Variants in CYTH3 observed in about 807,000 individuals in gnomAD.
The protein encoded by CYTH3 is cytohesin-3.
CYTH3 carries 23 observed loss-of-function variants against 55.1 expected under a neutral mutation model. That is an observed-to-expected ratio of 0.42 (90% CI 0.30 to 0.59). CYTH3 has a LOEUF of 0.59. CYTH3 is among the 20% of genes least tolerant of loss of function. CYTH3 has a pLI of 0.20. For synonymous variants in CYTH3, 249 were observed against 194.9 expected (o/e 1.28, Z -2.31); for missense variants, 413 against 524.8 (o/e 0.79, Z 2.08).
intron 1 of CYTH3, among the ~76,000 whole-genome samples, chr7:6,195,176 C>G (rs1783895450): frequency 6.6e-6 from 1 of 152,002 alleles, no homozygotes; most frequent in South Asian, 2.1e-4. Context: ...TTCAAGGGTA[C>G]TGTAGGTACT....
At chr7:6,229,932 C>G (rs886067822) in intron 1 of CYTH3, among the ~76,000 whole-genome samples, 2 of 151,980 alleles carry the variant, frequency 1.3e-5, no homozygotes, top group African/African-American at 2.4e-5. Flanking sequence ...GTCTGGAGTT[C>G]GAGACCAGCC....
chr7:6,174,047 G>A (rs1783269863), intron 5 of CYTH3, among the ~76,000 whole-genome samples: 1 of 151,618 alleles, frequency 6.6e-6, no homozygotes, highest in African/African-American at 2.4e-5. Context: ...GAATTACTGG[G>A]TTCCATGTTA....
intron 4 of CYTH3, among the ~76,000 whole-genome samples, chr7:6,185,539 A>G (rs10224010): frequency 0.039 from 5,980 of 152,086 alleles, 432 homozygotes; most frequent in African/African-American, 0.14. Flanking sequence ...TACTAAAAAA[A>G]AATACAAAAA....
chr7:6,197,584 G>A (rs1783963919), intron 1 of CYTH3, among the ~76,000 whole-genome samples: 1 of 152,136 alleles, frequency 6.6e-6, no homozygotes, highest in African/African-American at 2.4e-5. Context: ...CTGGGAGGGT[G>A]AAGCAGGAGA....
At chr7:6,243,725 A>T (rs1288988852) in intron 1 of CYTH3, among the ~76,000 whole-genome samples, 3 of 152,218 alleles carry the variant, frequency 2.0e-5, no homozygotes, top group African/African-American at 7.2e-5. Flanking sequence ...CAACTTACCC[A>T]ATGAATTGAT....
intron 1 of CYTH3, among the ~76,000 whole-genome samples, chr7:6,255,544 A>C (rs1406991084): frequency 6.6e-6 from 1 of 152,136 alleles, no homozygotes; most frequent in East Asian, 1.9e-4. Context: ...GGCCGTGAAG[A>C]AGCTGGGCTG....
intron 4 of CYTH3, among the ~76,000 whole-genome samples, chr7:6,185,312 C>T (rs1021091781): frequency 6.6e-6 from 1 of 152,130 alleles, no homozygotes; most frequent in Admixed American, 6.5e-5. Context: ...TGGCCTGGCG[C>T]AGTGGCTCAT....
chr7:6,261,153 C>G (rs1780341737), intron 1 of CYTH3, among the ~76,000 whole-genome samples: 1 of 152,152 alleles, frequency 6.6e-6, no homozygotes, highest in African/African-American at 2.4e-5. Flanking sequence ...TGAGCCCAAT[C>G]ACCGGGGCCC....
intron 1 of CYTH3, among the ~76,000 whole-genome samples, chr7:6,196,438 C>CATCT (rs928832118): frequency 4.7e-5 from 7 of 149,786 alleles, no homozygotes; most frequent in Non-Finnish European, 8.9e-5. Flanking sequence ...TCTGAGGGAG[C>CATCT]ATCTTTTTTC....
At chr7:6,215,303 A>T (rs1489135345) in intron 1 of CYTH3, among the ~76,000 whole-genome samples, 1 of 152,192 alleles carries the variant, frequency 6.6e-6, no homozygotes, top group Non-Finnish European at 1.5e-5. Flanking sequence ...AAGACAAATG[A>T]GGACAGGCCA....
chr7:6,243,964 G>A (rs977923024), intron 1 of CYTH3, among the ~76,000 whole-genome samples: 6 of 152,190 alleles, frequency 3.9e-5, no homozygotes, highest in African/African-American at 1.4e-4. Context: ...ATACTTGACT[G>A]TTCAAAGTAA....
chr7:6,178,131 C>A (rs775956199), intron 4 of CYTH3, among the ~76,000 whole-genome samples, 190 bp from the exon 5 acceptor site: 2 of 152,208 alleles, frequency 1.3e-5, no homozygotes, highest in Admixed American at 6.5e-5. Flanking sequence ...AAGAAACGCA[C>A]GTTCATTCCT....
chr7:6,201,769 T>C (rs938957655), intron 1 of CYTH3, among the ~76,000 whole-genome samples: 3 of 152,106 alleles, frequency 2.0e-5, no homozygotes, highest in African/African-American at 7.2e-5. Context: ...AGCGGATAGA[T>C]GATTAACTTT....
chr7:6,219,434 TA>T (rs1207477189), intron 1 of CYTH3, among the ~76,000 whole-genome samples: 10 of 152,286 alleles, frequency 6.6e-5, no homozygotes, highest in African/African-American at 1.9e-4. Flanking sequence ...CAAAAGACAA[TA>T]AAATTAGGAG....
At chr7:6,244,460 G>A (rs1477895903) in intron 1 of CYTH3, among the ~76,000 whole-genome samples, 3 of 152,158 alleles carry the variant, frequency 2.0e-5, no homozygotes, top group Non-Finnish European at 4.4e-5. Flanking sequence ...GCTTCAAAAT[G>A]TCCGAAAAAT....
At chr7:6,271,028 A>T (rs6463543) in intron 1 of CYTH3, among the ~76,000 whole-genome samples, 22,925 of 152,082 alleles carry the variant, frequency 0.15, 5,248 homozygotes, top group African/African-American at 0.5. Flanking sequence ...AAGGGAAAAC[A>T]GCTATGCCCA....
chr7:6,248,745 C>T (rs965797800), intron 1 of CYTH3, among the ~76,000 whole-genome samples: 1 of 152,246 alleles, frequency 6.6e-6, no homozygotes, highest in Admixed American at 6.5e-5. Context: ...ATATGTTCCT[C>T]ACAACCCTGC....
intron 4 of CYTH3, among the ~76,000 whole-genome samples, chr7:6,179,718 ACACCACACACACACACC>A (rs1278631517): frequency 1.1e-4 from 10 of 94,652 alleles, no homozygotes; most frequent in Non-Finnish European, 1.4e-4. Context: ...CACACCCCAC[ACACCACACACACACACC>A]CACCACACAC....
chr7:6,218,826 G>A (rs559682694), intron 1 of CYTH3, among the ~76,000 whole-genome samples: 14 of 152,012 alleles, frequency 9.2e-5, no homozygotes, highest in Non-Finnish European at 1.6e-4. Flanking sequence ...CCAACATGGC[G>A]AAACTCCATC....
Sources: allele counts gnomAD v4.1 joint callset (sites outside exome capture counted in the v4.1 genomes callset), GRCh38; gene constraint gnomAD v4.1.1; transcripts MANE v1.5; gene names NCBI Gene and HGNC (gene_info 2026-07-23, HGNC 2026-07-21).